Variants in PALM2AKAP2 observed in about 807,000 individuals in gnomAD.
PALM2AKAP2 encodes PALM2 and AKAP2 fusion.
PALM2AKAP2 carries 37 observed loss-of-function variants against 71.5 expected under a neutral mutation model. The ratio of observed to expected loss-of-function variants is 0.52; its 90% CI spans 0.40 to 0.68. PALM2AKAP2 has a LOEUF of 0.68. PALM2AKAP2 is among the 30% of genes least tolerant of loss of function. The pLI, the probability that PALM2AKAP2 is intolerant of heterozygous loss-of-function variation, is 0.00. For synonymous variants in PALM2AKAP2, 468 were observed against 478.8 expected, an observed-to-expected ratio of 0.98 and a Z score of 0.29; for missense variants, 1,224 against 1,191.8, an observed-to-expected ratio of 1.03 and a Z score of -0.40.
intron 1 of PALM2AKAP2, among the ~76,000 whole-genome samples, chr9:109,643,710 T>A (rs1280662340): frequency 6.6e-6 from 1 of 152,240 alleles, no homozygotes; most frequent in Non-Finnish European, 1.5e-5. Context: ...TCCAAAGTTC[T>A]CACTTCCTGG....
At chr9:109,871,290 G>A (rs1463898711) in intron 2 of PALM2AKAP2, among the ~76,000 whole-genome samples, 2 of 152,140 alleles carry the variant, frequency 1.3e-5, no homozygotes, top group African/African-American at 4.8e-5. Context: ...AAAGACTAAA[G>A]TATAAAATGG....
chr9:109,949,092 A>G (rs925098418), intron 6 of PALM2AKAP2, among the ~76,000 whole-genome samples: 1 of 152,254 alleles, frequency 6.6e-6, no homozygotes, highest in African/African-American at 2.4e-5. Context: ...GGTGTGGCCC[A>G]AAGGGGCTAA....
intron 6 of PALM2AKAP2, among the ~76,000 whole-genome samples, chr9:109,970,164 C>T (rs1832038808): frequency 6.6e-6 from 1 of 152,124 alleles, no homozygotes; most frequent in African/African-American, 2.4e-5. Flanking sequence ...TTCTTTTAAG[C>T]TTCCAGTTCA....
At chr9:110,088,085 G>C (rs1834612959) in intron 1 of PALM2AKAP2, among the ~76,000 whole-genome samples, 1 of 152,162 alleles carries the variant, frequency 6.6e-6, no homozygotes, top group Non-Finnish European at 1.5e-5. Context: ...AGGAAGGAAA[G>C]AATGAAGCAA....
intron 1 of PALM2AKAP2, among the ~76,000 whole-genome samples, chr9:110,057,030 A>G (rs1355015267): frequency 6.6e-6 from 1 of 152,108 alleles, no homozygotes; most frequent in Non-Finnish European, 1.5e-5. Context: ...ATTCCCTGTA[A>G]TTCCCAGGGA....
At chr9:109,809,087 G>T (rs913288111) in intron 1 of PALM2AKAP2, among the ~76,000 whole-genome samples, 1 of 152,256 alleles carries the variant, frequency 6.6e-6, no homozygotes, top group African/African-American at 2.4e-5. Flanking sequence ...TGCTAGGGCA[G>T]TGTGGAAAGG....
At chr9:110,062,407 T>C (rs974904825) in intron 1 of PALM2AKAP2, among the ~76,000 whole-genome samples, 1 of 152,226 alleles carries the variant, frequency 6.6e-6, no homozygotes, top group Non-Finnish European at 1.5e-5. Context: ...TTCATGTCTC[T>C]GCAAAGTACA....
intron 1 of PALM2AKAP2, among the ~76,000 whole-genome samples, chr9:109,750,512 T>G (rs1236356398): frequency 6.6e-6 from 1 of 151,794 alleles, no homozygotes; most frequent in African/African-American, 2.4e-5. Context: ...TGGTCAAGGG[T>G]GGCCAACCAG....
At chr9:109,777,558 C>T (rs188168184), upstream of PALM2AKAP2, among the ~76,000 whole-genome samples, 6 of 152,328 alleles carry the variant, frequency 3.9e-5, no homozygotes, top group Middle Eastern at 6.8e-3. Context: ...TCTGATCTCT[C>T]GCTCATCCCC....
intron 1 of PALM2AKAP2, among the ~76,000 whole-genome samples, chr9:109,717,532 G>C (rs1828343517): frequency 6.6e-6 from 1 of 152,224 alleles, no homozygotes; most frequent in Non-Finnish European, 1.5e-5. Context: ...AAGACTGATT[G>C]AAACAGGAAA....
chr9:109,806,399 G>C (rs1030898311), intron 1 of PALM2AKAP2, among the ~76,000 whole-genome samples: 10 of 152,188 alleles, frequency 6.6e-5, no homozygotes, highest in Admixed American at 2.0e-4. Context: ...AGATATATTT[G>C]TGGATGCTGA....
At chr9:109,734,487 C>T (rs929619911) in intron 1 of PALM2AKAP2, among the ~76,000 whole-genome samples, 3 of 152,164 alleles carry the variant, frequency 2.0e-5, no homozygotes, top group Admixed American at 1.3e-4. Flanking sequence ...GTGCTCAAAA[C>T]AGCCACATGT....
At chr9:110,078,013 C>CAAA (rs34622810) in intron 1 of PALM2AKAP2, among the ~76,000 whole-genome samples, 1 of 97,626 alleles carries the variant, frequency 1.0e-5, no homozygotes. Context: ...GACTCAGTCT[C>CAAA]AAAAAAAAAA....
chr9:109,998,764 C>CAA (rs766171217), intron 6 of PALM2AKAP2, among the ~76,000 whole-genome samples: 193 of 70,636 alleles, frequency 2.7e-3, no homozygotes, highest in African/African-American at 4.0e-3. Flanking sequence ...GACCCTGTCG[C>CAA]AAAAAAAAAA....
intron 1 of PALM2AKAP2, among the ~76,000 whole-genome samples, chr9:109,814,900 T>C (rs1366703848): frequency 6.6e-6 from 1 of 152,214 alleles, no homozygotes; most frequent in African/African-American, 2.4e-5. Flanking sequence ...GAGTTTGGAT[T>C]TTATCCTGTG....
At chr9:109,690,794 G>T (rs1827870525) in intron 1 of PALM2AKAP2, among the ~76,000 whole-genome samples, 1 of 152,096 alleles carries the variant, frequency 6.6e-6, no homozygotes, top group Non-Finnish European at 1.5e-5. Context: ...TGGTTATTAA[G>T]TTCGGATCAC....
chr9:109,702,156 G>A (rs1273876780), intron 1 of PALM2AKAP2, among the ~76,000 whole-genome samples: 1 of 152,110 alleles, frequency 6.6e-6, no homozygotes, highest in Non-Finnish European at 1.5e-5. Flanking sequence ...CTGTAAACTA[G>A]TTCAACCATT....
At chr9:110,032,479 T>G (rs1191668238) in intron 7 of PALM2AKAP2, among the ~76,000 whole-genome samples, 1 of 151,836 alleles carries the variant, frequency 6.6e-6, no homozygotes, top group Non-Finnish European at 1.5e-5. Flanking sequence ...GATCACGAGG[T>G]CAGGAGTTTG....
chr9:110,158,131 G>A (rs114441886), intron 3 of PALM2AKAP2, among the ~76,000 whole-genome samples: 3,127 of 152,294 alleles, frequency 0.021, 94 homozygotes, highest in African/African-American at 0.072. Flanking sequence ...AGCTCCTTTC[G>A]TGAGCCTGCA....
Sources: allele counts gnomAD v4.1 joint callset (sites outside exome capture counted in the v4.1 genomes callset), GRCh38; gene constraint gnomAD v4.1.1; transcripts MANE v1.5; gene names NCBI Gene and HGNC (gene_info 2026-07-23, HGNC 2026-07-21).